GDAP2: variants seen among roughly 807,000 people sequenced by gnomAD.
The protein encoded by GDAP2 is ganglioside-induced differentiation-associated protein 2.
A neutral mutation model predicts 67.0 loss-of-function variants in GDAP2; 51 were observed. That is an observed-to-expected ratio of 0.76 (90% CI 0.61 to 0.96). The LOEUF (loss-of-function observed/expected upper bound fraction) is 0.96, where lower values mean the gene tolerates loss of function less well. Ranked by LOEUF, GDAP2 falls within the 40% of genes least tolerant of loss-of-function variation. GDAP2 has a pLI of 0.00. For missense variants in GDAP2, 547 were observed against 588.3 expected, an observed-to-expected ratio of 0.93 and a Z score of 0.73; for synonymous variants, 203 against 207.3, an observed-to-expected ratio of 0.98 and a Z score of 0.18.
rs1648740752 is a variant in GDAP2 at position 117,883,564 on chromosome 1, A to G, written c.1171T>C (p.Phe391Leu). The change falls in exon 11 of 14, where the codon TTT becomes CTT. Residue 391 changes from phenylalanine to leucine, a missense_variant. Transcript: ENST00000369443. ...IAVKEYVLVY[F>L]HTLTSEYNHL... ...TTGTATTCGCTGGTCAGGGTGTGAAAATACACTAATACATACTCCTTCACA... is the reference window on the plus strand; with the variant it reads ...TTGTATTCGCTGGTCAGGGTGTGAAGATACACTAATACATACTCCTTCACA... 6.2e-7 allele frequency: 1 copy of G among 1,600,278 alleles called. No individual in the cohort carries two copies. Among genetic ancestry groups the G allele is most frequent in the African/African-American group, 1.3e-5 (1 of 74,718 alleles).
chr1:117,874,886 G>T (rs544309623), intron 13 of GDAP2, among the ~76,000 whole-genome samples: 1 of 152,290 alleles, frequency 6.6e-6, no homozygotes, highest in African/African-American at 2.4e-5. Flanking sequence ...ATCCCCTAGG[G>T]TTTTATGGAA....
chr1:117,899,806 C>G (rs766675622), intron 6 of GDAP2, among the ~76,000 whole-genome samples: 53 of 152,254 alleles, frequency 3.5e-4, no homozygotes, highest in Middle Eastern at 3.4e-3. Context: ...TGTCCTATAT[C>G]TTGAAGCATT....
rs760927711 is a variant in GDAP2, at chr1:117,883,567, A to G, written c.1168T>C (p.Tyr390His). The change falls in exon 11 of 14, where the codon TAT becomes CAT. Residue 390 changes from tyrosine (Y) to histidine (H), a missense_variant. Transcript: ENST00000369443. ...TATTCGCTGGTCAGGGTGTGAAAAT[A>G]CACTAATACATACTCCTTCACAGCA... ...HIAVKEYVLV[Y>H]FHTLTSEYNH... 1.2e-6 allele frequency: 2 copies of G among 1,602,204 alleles called. No homozygotes were observed. The highest frequency in any genetic ancestry group is 4.5e-5 in the East Asian group (2 of 44,728).
At chr1:117,915,948 C>T (rs1054569563) in intron 3 of GDAP2, among the ~76,000 whole-genome samples, 17 of 152,208 alleles carry the variant, frequency 1.1e-4, no homozygotes, top group African/African-American at 4.1e-4. Context: ...ACTGTTTCCC[C>T]CAAATATTCT....
At chr1:117,875,015 T>C (rs1486137811) in intron 13 of GDAP2, among the ~76,000 whole-genome samples, 3 of 151,960 alleles carry the variant, frequency 2.0e-5, no homozygotes, top group Non-Finnish European at 4.4e-5. Flanking sequence ...AGCAAAGAAA[T>C]GACAAAAAGT....
At chr1:117,916,358 G>C (rs1345103841) in intron 3 of GDAP2, among the ~76,000 whole-genome samples, 1 of 152,190 alleles carries the variant, frequency 6.6e-6, no homozygotes, top group Non-Finnish European at 1.5e-5. Context: ...GCATGGTAAG[G>C]AAAGGAAAAG....
At chr1:117,871,295 A>C (rs944740567) in intron 13 of GDAP2, among the ~76,000 whole-genome samples, 3 of 152,206 alleles carry the variant, frequency 2.0e-5, no homozygotes, top group African/African-American at 7.2e-5. Context: ...AATTAGTGCA[A>C]GGGGGAATTT....
chr1:117,878,137 A>G lies in GDAP2; in HGVS notation c.1318T>C (p.Phe440Leu). ...TFRSKVSTWF[F>L]TTFSVSGLKD... The stretch of plus-strand genomic sequence containing the variant: ...AGTCCTGAGACAGAAAAGGTGGTAA[A>G]AAACCATGTTGACACCTGATTAATA... Residue 440 changes from phenylalanine to leucine, a missense_variant, in exon 13 of 14, where the codon TTT (phenylalanine) becomes CTT (leucine). By Grantham distance (22) the Phe-to-Leu change is conservative (BLOSUM62 0). Transcript: ENST00000369443. 2 of 1,590,264 alleles carry G rather than the reference A, an allele frequency of 1.3e-6. No individual in the cohort carries two copies. Among genetic ancestry groups the G allele is most frequent in the Non-Finnish European group, 1.7e-6 (2 of 1,163,998 alleles).
chr1:117,887,878 T>A, intron 8 of GDAP2, 104 bp from the exon 9 acceptor site: 1 of 666,952 alleles, frequency 1.5e-6, no homozygotes, highest in Admixed American at 2.6e-5. Flanking sequence ...AATTTTCAAG[T>A]ATATATTTCA....
At chr1:117,913,052 G>A (rs192685939) in intron 3 of GDAP2, among the ~76,000 whole-genome samples, 8 of 152,218 alleles carry the variant, frequency 5.3e-5, no homozygotes, top group Admixed American at 4.6e-4. Flanking sequence ...AAGCAGTGTT[G>A]GATACAAGAC....
chr1:117,916,548 G>A (rs562423474), intron 3 of GDAP2, among the ~76,000 whole-genome samples: 26 of 152,320 alleles, frequency 1.7e-4, no homozygotes, highest in African/African-American at 5.8e-4. Context: ...ACGAAGAATG[G>A]ATGTAAGGAG....
In GDAP2 at chr1:117,918,649, A is replaced by T. The variant is rs12070959; in HGVS notation, c.264T>A (p.Ser88Arg). Residue 88 changes from serine (S) to arginine (R), a missense_variant, in exon 3 of 14, where the codon AGT (serine) becomes AGA (arginine). Physicochemically the swap from Ser to Arg is moderately radical, Grantham distance 110 (BLOSUM62 -1). Coordinates refer to ENST00000369443, the MANE Select transcript of GDAP2 (RefSeq NM_017686.4). ...SLTDKNPVSE[S>R]IFMLAGPDLK... ...AATCAGGCCCTGCAAGCATGAAGAT[A>T]CTTTCTGACACAGGATTCTTATCTG... The T allele has an allele frequency of 6.2e-7, 1 of 1,608,774 alleles. No homozygotes were observed. The highest frequency in any genetic ancestry group is 1.1e-5 in the South Asian group (1 of 90,964).
chr1:117,901,618 T>C (rs943440792), intron 6 of GDAP2, among the ~76,000 whole-genome samples: 1 of 152,258 alleles, frequency 6.6e-6, no homozygotes, highest in Non-Finnish European at 1.5e-5. Context: ...TAATGGTTAA[T>C]GGTGTGGAGC....
rs922247982 is a variant in GDAP2, at chr1:117,866,660, C to G, written c.*3909G>C. On this transcript the variant is annotated 3_prime_UTR_variant, in exon 14 of 14. Coordinates refer to ENST00000369443, the MANE Select transcript of GDAP2 (RefSeq NM_017686.4). The stretch of plus-strand genomic sequence containing the variant: ...CCTGAGGTCAGGAATTCGAGAGCAG[C>G]CTGGCCAACATGGTGAAACCCCGTC... 6.6e-6 allele frequency: 1 copy of G among 152,122 alleles called. No individual in the cohort carries two copies. Among genetic ancestry groups the G allele is most frequent in the African/African-American group, 2.4e-5 (1 of 41,396 alleles). The allele number at this position is 152,122 out of a possible 1,614,324, so 9.4% of individuals were successfully genotyped here. A position where few individuals can be genotyped will look rare whatever the true frequency, so the allele number is the denominator to read the frequency against.
chr1:117,883,365 G>A (rs1648732941), intron 11 of GDAP2, 123 bp downstream of exon 11: 5 of 677,376 alleles, frequency 7.4e-6, no homozygotes, highest in Non-Finnish European at 1.3e-5. Context: ...TCTAATCTAG[G>A]TATGATAAAA....
chr1:117,923,821 C>CACTTTT (rs1209477562), intron 1 of GDAP2, among the ~76,000 whole-genome samples: 1 of 152,198 alleles, frequency 6.6e-6, no homozygotes, highest in East Asian at 1.9e-4. Context: ...AGCCTTTTCA[C>CACTTTT]CTAAGTGTGC....
At chr1:117,908,438 C>T (rs1284742646) in intron 5 of GDAP2, among the ~76,000 whole-genome samples, 1 of 152,136 alleles carries the variant, frequency 6.6e-6, no homozygotes. Context: ...ACTAAACAAA[C>T]ACTCATAACT....
chr1:117,869,463 T>C lies in GDAP2; in HGVS notation c.*1106A>G, dbSNP rs1469902296. ...TGTGTAGCATTCCCTCATATATATT[T>C]ATTCCCATTTAAAAACTAACTGAAG... On this transcript the variant is annotated 3_prime_UTR_variant, in exon 14 of 14. Coordinates refer to ENST00000369443, the MANE Select transcript of GDAP2 (RefSeq NM_017686.4). The C allele has an allele frequency of 6.6e-6, 1 of 152,576 alleles. No homozygotes were observed. Among genetic ancestry groups the C allele is most frequent in the African/African-American group, 2.4e-5 (1 of 41,438 alleles). The allele number at this position is 152,576 out of a possible 1,614,324, so 9.5% of individuals were successfully genotyped here. A position where few individuals can be genotyped will look rare whatever the true frequency, so the allele number is the denominator to read the frequency against.
At chr1:117,929,223 A>G (rs1650586981) in intron 1 of GDAP2, among the ~76,000 whole-genome samples, 1 of 152,156 alleles carries the variant, frequency 6.6e-6, no homozygotes, top group South Asian at 2.1e-4. Context: ...GTGCCCGCCG[A>G]CTGCCCACCC....
Sources: gnomAD v4.1 joint callset for allele counts (sites outside exome capture counted in the v4.1 genomes callset) on GRCh38, gnomAD v4.1.1 for gene constraint, MANE v1.5 for transcripts, NCBI Gene and HGNC (gene_info 2026-07-23, HGNC 2026-07-21) for gene names.